MCCC1: variants seen among roughly 807,000 people sequenced by gnomAD.
The protein encoded by MCCC1 is methylcrotonyl-CoA carboxylase subunit 1, also known as methylcrotonoyl-CoA carboxylase subunit alpha, mitochondrial.
A neutral mutation model predicts 83.8 loss-of-function variants in MCCC1; 64 were observed. The ratio of observed to expected loss-of-function variants is 0.76; its 90% CI spans 0.62 to 0.94. MCCC1 has a LOEUF of 0.94. Ranked by LOEUF, MCCC1 falls within the 40% of genes least tolerant of loss-of-function variation. MCCC1 has a pLI of 0.00. For synonymous variants in MCCC1, 322 were observed against 315.4 expected (o/e 1.02, Z -0.22); for missense variants, 807 against 904.7 (o/e 0.89, Z 1.39).
rs144890143 is a variant in MCCC1 at position 183,106,482 on chromosome 3, T to TTTTCTTTCTTTCTTTCTTTCTTTC, written c.-102+8968_-102+8991dup. ...AGATTTCCCAAATGTTTCTTTGTTC[T>TTTTCTTTCTTTCTTTCTTTCTTTC]TTTCTTTCTTTCTTTCTTTCTTTCT... On this transcript the variant is annotated intron_variant, in intron 1 of 17. Transcript: ENST00000492597. Among the ~76,000 whole-genome samples the TTTTCTTTCTTTCTTTCTTTCTTTC allele has an allele frequency of 1.4e-3, 202 of 147,068 alleles. 10 individuals are homozygous for TTTTCTTTCTTTCTTTCTTTCTTTC. The highest frequency in any genetic ancestry group is 4.4e-3 in the African/African-American group (170 of 38,292).
intron 4 of MCCC1, among the ~76,000 whole-genome samples, chr3:183,076,010 A>C (rs1413448241): frequency 1.3e-5 from 2 of 152,262 alleles, no homozygotes; most frequent in Non-Finnish European, 2.9e-5. Context: ...CAAATGAAAC[A>C]GGTCTATGTC....
chr3:183,050,369 T>C (rs981169749), intron 9 of MCCC1, among the ~76,000 whole-genome samples: 1 of 151,976 alleles, frequency 6.6e-6, no homozygotes, highest in Non-Finnish European at 1.5e-5. Flanking sequence ...AAATAATTTA[T>C]ATACTGGACT....
At chr3:183,076,989 C>T (rs562023526) in intron 4 of MCCC1, among the ~76,000 whole-genome samples, 1 of 152,124 alleles carries the variant, frequency 6.6e-6, no homozygotes, top group Non-Finnish European at 1.5e-5. Flanking sequence ...ATAATACATG[C>T]AGTCTTTTGT....
At chr3:183,077,265 G>C (rs1717146091) in intron 4 of MCCC1, among the ~76,000 whole-genome samples, 1 of 152,174 alleles carries the variant, frequency 6.6e-6, no homozygotes, top group South Asian at 2.1e-4. Context: ...AAGAAGTAGA[G>C]TTACTAGTTC....
At chr3:183,022,596 A>G (rs1376166208) in intron 15 of MCCC1, 42 bp from the exon 16 acceptor site, 1 of 1,477,886 alleles carries the variant, frequency 6.8e-7, no homozygotes, top group Non-Finnish European at 9.4e-7. Context: ...TAAATGAACA[A>G]CACTACAGAA....
chr3:183,105,028 C>T (rs1159619636), intron 1 of MCCC1, among the ~76,000 whole-genome samples: 2 of 152,152 alleles, frequency 1.3e-5, no homozygotes, highest in African/African-American at 4.8e-5. Flanking sequence ...AAATAGCAAA[C>T]TGATTAAAGA....
exon 1 of MCCC1, chr3:183,115,942 ATT>A (rs945934680): frequency 6.6e-6 from 1 of 152,248 alleles, no homozygotes; most frequent in African/African-American, 2.4e-5. Flanking sequence ...GTGGGCACAG[ATT>A]TATTGAAGAC....
At chr3:183,111,308 TTTTTG>T (rs961643702) in intron 1 of MCCC1, among the ~76,000 whole-genome samples, 3 of 152,174 alleles carry the variant, frequency 2.0e-5, no homozygotes, top group African/African-American at 7.2e-5. Context: ...TGACCTTTTT[TTTTTG>T]TTTTGAGATG....
At chr3:183,099,328 C>G (rs1241218596) in intron 1 of MCCC1, 24 bp downstream of exon 1, 2 of 1,578,598 alleles carry the variant, frequency 1.3e-6, no homozygotes, top group East Asian at 2.3e-5. Context: ...CCTCTGCCCA[C>G]TGAGCCATGG....
intron 1 of MCCC1, among the ~76,000 whole-genome samples, chr3:183,110,301 A>G (rs770106910): frequency 2.0e-5 from 3 of 151,866 alleles, no homozygotes; most frequent in Non-Finnish European, 4.4e-5. Context: ...TTGGAGACTT[A>G]GTCACAAATC....
intron 7 of MCCC1, among the ~76,000 whole-genome samples, chr3:183,058,558 G>A (rs1321303527): frequency 2.0e-5 from 3 of 152,176 alleles, no homozygotes; most frequent in East Asian, 3.9e-4. Flanking sequence ...GGAATTCAAG[G>A]TGGCAGTGAG....
At chr3:183,060,328 G>C (rs1470502092) in intron 7 of MCCC1, among the ~76,000 whole-genome samples, 1 of 152,104 alleles carries the variant, frequency 6.6e-6, no homozygotes, top group African/African-American at 2.4e-5. Context: ...GGAAAGTTGA[G>C]GTCTGAGTGG....
At chr3:183,087,299 T>C (rs1405338798) in intron 3 of MCCC1, among the ~76,000 whole-genome samples, 1 of 152,230 alleles carries the variant, frequency 6.6e-6, no homozygotes, top group African/African-American at 2.4e-5. Context: ...TCCCTTGAAG[T>C]AGACCATTTA....
chr3:183,103,914 C>T (rs573090853), upstream of MCCC1, among the ~76,000 whole-genome samples: 1 of 152,186 alleles, frequency 6.6e-6, no homozygotes, highest in African/African-American at 2.4e-5. Flanking sequence ...CAAGGCCCGG[C>T]GAGAAATCCA....
upstream of MCCC1, among the ~76,000 whole-genome samples, chr3:183,103,846 G>GT (rs1364976760): frequency 8.5e-5 from 13 of 152,186 alleles, no homozygotes; most frequent in Non-Finnish European, 1.8e-4. Flanking sequence ...CACGGAGCGG[G>GT]GGGAGGCTCA....
Position 183,015,444 on chromosome 3 carries a change from C to G in MCCC1, c.2172G>C (p.Ser724=), listed in dbSNP as rs781286566. ...GCCATTTCCTTGCTGGAGTTTATTC[C>G]GATTCCCTTTTGTCTGATTCTTCCT... ...FEEEESDKRE[S]E The change falls in exon 19 of 19, where the codon TCG becomes TCC. Residue 724 remains serine, a synonymous_variant. Coordinates refer to ENST00000265594, the MANE Select transcript of MCCC1 (RefSeq NM_020166.5). 1.9e-6 allele frequency: 3 copies of G among 1,614,132 alleles called. No homozygotes were observed. Among genetic ancestry groups the G allele is most frequent in the Non-Finnish European group, 2.5e-6 (3 of 1,180,002 alleles).
intron 1 of MCCC1, among the ~76,000 whole-genome samples, chr3:183,097,906 TTTTTTTTA>T (rs1718857762): frequency 6.6e-6 from 1 of 152,110 alleles, no homozygotes; most frequent in South Asian, 2.1e-4. Flanking sequence ...ACACCAACTT[TTTTTTTTA>T]TTTTTTTATT....
intron 3 of MCCC1, chr3:183,090,805 T>A: frequency 3.1e-6 from 1 of 326,978 alleles, no homozygotes; most frequent in South Asian, 2.3e-5. Context: ...GTCAGGCTGG[T>A]CTCGAACCCT....
intron 1 of MCCC1, among the ~76,000 whole-genome samples, chr3:183,113,015 A>G (rs1490123267): frequency 2.6e-5 from 4 of 152,062 alleles, no homozygotes; most frequent in Non-Finnish European, 5.9e-5. Flanking sequence ...CACGAAGTCA[A>G]GAGATCGAGA....
Sources: gnomAD v4.1 joint callset for allele counts (sites outside exome capture counted in the v4.1 genomes callset) on GRCh38, gnomAD v4.1.1 for gene constraint, MANE v1.5 for transcripts, NCBI Gene and HGNC (gene_info 2026-07-23, HGNC 2026-07-21) for gene names.